The following ZNF804B variants were observed in gnomAD, a reference collection of about 807,000 sequenced individuals.
ZNF804B encodes zinc finger protein 804B, also known as zinc finger 804B.
Under a neutral mutation model 101.4 loss-of-function variants are expected in ZNF804B, and 80 were observed. The observed-to-expected ratio is 0.79, with a 90% CI of 0.66 to 0.95. The LOEUF is 0.95. Among genes scored for constraint, ZNF804B ranks in the 40% least tolerant of loss-of-function variants. The probability of loss-of-function intolerance (pLI) is 0.00; values close to 1 mark genes in which losing one functional copy is unlikely to be tolerated. For synonymous variants in ZNF804B, 622 were observed against 558.8 expected (o/e 1.11, Z -1.59); for missense variants, 1,673 against 1,561.9 (o/e 1.07, Z -1.20).
chr7:88,769,240 G>A (rs1790028371), intron 1 of ZNF804B, among the ~76,000 whole-genome samples: 1 of 152,022 alleles, frequency 6.6e-6, no homozygotes, highest in Non-Finnish European at 1.5e-5. Context: ...TTGTCCTGGT[G>A]GTAGGTCCAC....
intron 1 of ZNF804B, among the ~76,000 whole-genome samples, chr7:89,105,298 A>T (rs1258683281): frequency 2.0e-5 from 3 of 152,076 alleles, no homozygotes; most frequent in African/African-American, 7.2e-5. Flanking sequence ...GGAATTAAAC[A>T]TTTCACTTTT....
intron 1 of ZNF804B, among the ~76,000 whole-genome samples, chr7:88,984,506 A>G (rs1485795964): frequency 2.6e-5 from 4 of 151,730 alleles, no homozygotes; most frequent in Admixed American, 6.6e-5. Context: ...AAGTATATTC[A>G]TTCTGTGTAA....
At chr7:89,326,219 C>T (rs139329264) in intron 2 of ZNF804B, among the ~76,000 whole-genome samples, 1 of 151,982 alleles carries the variant, frequency 6.6e-6, no homozygotes, top group African/African-American at 2.4e-5. Flanking sequence ...TTTCTAATTC[C>T]GTGAGGTTCT....
chr7:89,332,783 C>T (rs1791006605), intron 3 of ZNF804B, among the ~76,000 whole-genome samples: 2 of 151,726 alleles, frequency 1.3e-5, no homozygotes, highest in South Asian at 2.1e-4. Context: ...ATAGATTGTA[C>T]ATATGTCTTA....
intron 2 of ZNF804B, among the ~76,000 whole-genome samples, chr7:89,284,434 A>C (rs766034390): frequency 7.9e-5 from 12 of 152,234 alleles, no homozygotes; most frequent in Non-Finnish European, 1.6e-4. Flanking sequence ...ATGATATTAT[A>C]GGAAAAATTT....
intron 1 of ZNF804B, among the ~76,000 whole-genome samples, chr7:88,779,937 A>G (rs1219297436): frequency 2.6e-5 from 4 of 152,198 alleles, no homozygotes; most frequent in Non-Finnish European, 4.4e-5. Context: ...GATACTCAAA[A>G]AACTGTCCAA....
intron 2 of ZNF804B, among the ~76,000 whole-genome samples, chr7:89,273,333 C>G (rs1789927619): frequency 1.2e-5 from 1 of 86,820 alleles, no homozygotes; most frequent in African/African-American, 3.8e-5. Flanking sequence ...TTCTTTCTTT[C>G]AAAAAAATGG....
At chr7:89,026,477 T>C (rs1430052749) in intron 1 of ZNF804B, among the ~76,000 whole-genome samples, 3 of 152,096 alleles carry the variant, frequency 2.0e-5, no homozygotes, top group Non-Finnish European at 4.4e-5. Flanking sequence ...GATTTCTTTG[T>C]AGAGAATAAA....
chr7:88,760,003 G>C lies in ZNF804B; in HGVS notation c.27G>C (p.Ser9=), dbSNP rs770892623. The change falls in exon 1 of 4, where the codon TCG becomes TCC. Residue 9 remains serine, a synonymous_variant. Transcript: ENST00000333190. ...TGGCTTGTTACCTGGTCATCAGTTC[G>C]AGACATCTCAGCAATGGGCACTACC... MACYLVIS[S]RHLSNGHYRG... 9.0e-5 allele frequency: 146 copies of C among 1,614,058 alleles called. No homozygotes were observed. Among genetic ancestry groups the C allele is most frequent in the Non-Finnish European group, 1.2e-4 (140 of 1,180,038 alleles).
chr7:89,019,956 TTAA>T (rs59864476), intron 1 of ZNF804B, among the ~76,000 whole-genome samples: 14,891 of 152,092 alleles, frequency 0.098, 782 homozygotes, highest in Non-Finnish European at 0.11. Flanking sequence ...AAGGATATTA[TTAA>T]TATGTGAACA....
chr7:88,957,774 C>A lies in ZNF804B; in HGVS notation c.108+197690C>A, dbSNP rs562552370. On this transcript the variant is annotated intron_variant, in intron 1 of 3. Coordinates refer to ENST00000333190, the MANE Select transcript of ZNF804B (RefSeq NM_181646.5). ...TTTATTGATTTATTTAATTGTTATT[C>A]CTTCTCTGGGTCCCTAAACTTTCTT... Among the ~76,000 whole-genome samples, 17 of 151,066 alleles carry A rather than the reference C, an allele frequency of 1.1e-4. No individual in the cohort carries two copies. The East Asian group carries it at 2.0e-3, about 17-fold the overall frequency.
At chr7:88,982,551 A>G in intron 1 of ZNF804B, among the ~76,000 whole-genome samples, 1 of 152,040 alleles carries the variant, frequency 6.6e-6, no homozygotes, top group South Asian at 2.1e-4. Context: ...GTGCCCTCAC[A>G]TAGTTGTCCC....
chr7:88,796,505 C>T (rs1012251187), intron 1 of ZNF804B, among the ~76,000 whole-genome samples: 1 of 152,148 alleles, frequency 6.6e-6, no homozygotes, highest in Admixed American at 6.6e-5. Context: ...ATCTCACTCT[C>T]ATTCTTCTTA....
chr7:89,009,628 G>A (rs1788423094), intron 1 of ZNF804B, among the ~76,000 whole-genome samples: 1 of 152,144 alleles, frequency 6.6e-6, no homozygotes, highest in South Asian at 2.1e-4. Flanking sequence ...GAGCTTTTAT[G>A]AGTTAGATCA....
intron 1 of ZNF804B, among the ~76,000 whole-genome samples, chr7:89,157,554 G>C (rs1178574480): frequency 6.6e-6 from 1 of 152,040 alleles, no homozygotes; most frequent in Non-Finnish European, 1.5e-5. Flanking sequence ...TTCCAGTCCA[G>C]TGACTGCAAT....
chr7:88,857,822 C>CTTTTTTTTTTTTTTTTTTT lies in ZNF804B; in HGVS notation c.108+97749_108+97767dup, dbSNP rs55841922. 4.5e-4 allele frequency among the ~76,000 whole-genome samples: 37 copies of CTTTTTTTTTTTTTTTTTTT among 81,474 alleles called. 4 individuals are homozygous for CTTTTTTTTTTTTTTTTTTT. The highest frequency in any genetic ancestry group is 7.9e-4 in the African/African-American group (15 of 18,870). The allele number at this position is 81,474 out of a possible 152,430, so 53.5% of individuals were successfully genotyped here. A position where few individuals can be genotyped will look rare whatever the true frequency, so the allele number is the denominator to read the frequency against. On this transcript the variant is annotated intron_variant, in intron 1 of 3. Coordinates refer to ENST00000333190, the MANE Select transcript of ZNF804B (RefSeq NM_181646.5). ...CTTTCTTTCTCCTTTCCTTTCTTTTCTTTTTTTTTTTTTTTTTTTTTTTTT... is the reference window on the plus strand; with the variant it reads ...CTTTCTTTCTCCTTTCCTTTCTTTTCTTTTTTTTTTTTTTTTTTTTTTTTTTTTTTTTTTTTTTTTTTTT...
At chr7:88,847,688 G>A (rs1791396248) in intron 1 of ZNF804B, among the ~76,000 whole-genome samples, 1 of 152,108 alleles carries the variant, frequency 6.6e-6, no homozygotes, top group African/African-American at 2.4e-5. Context: ...TTATGATAAA[G>A]TGTGATGAGT....
intron 1 of ZNF804B, among the ~76,000 whole-genome samples, chr7:89,157,962 C>G (rs1242125053): frequency 6.6e-6 from 1 of 152,156 alleles, no homozygotes; most frequent in African/African-American, 2.4e-5. Context: ...TTTAATGACT[C>G]ACAGCATAAA....
chr7:88,829,696 C>T (rs1014467374), intron 1 of ZNF804B, among the ~76,000 whole-genome samples: 85 of 152,152 alleles, frequency 5.6e-4, no homozygotes, highest in African/African-American at 2.0e-3. Flanking sequence ...TTTATGTGCT[C>T]TCCAAAGACC....
Sources: gnomAD v4.1 joint callset for allele counts (sites outside exome capture counted in the v4.1 genomes callset) on GRCh38, gnomAD v4.1.1 for gene constraint, MANE v1.5 for transcripts, NCBI Gene and HGNC (gene_info 2026-07-23, HGNC 2026-07-21) for gene names.